POLR1C: variants seen among roughly 807,000 people sequenced by gnomAD.
The protein encoded by POLR1C is RNA polymerase I and III subunit C, also known as DNA-directed RNA polymerases I and III subunit RPAC1.
In POLR1C, 42 loss-of-function variants were observed where a neutral mutation model predicts 38.3. The observed-to-expected ratio is 1.10, with a 90% CI of 0.86 to 1.42. The LOEUF (loss-of-function observed/expected upper bound fraction) is 1.42, where lower values mean the gene tolerates loss of function less well. Ranked by LOEUF, POLR1C falls within the 40% of genes most tolerant of loss-of-function variation. POLR1C has a pLI of 0.00. For missense variants in POLR1C, 507 were observed against 450.5 expected (o/e 1.13, Z -1.14); for synonymous variants, 163 against 163.9 (o/e 0.99, Z 0.04).
At chr6:43,529,909 C>CAAA (rs1191727799), downstream of POLR1C, among the ~76,000 whole-genome samples, 4,108 of 97,430 alleles carry the variant, frequency 0.042, 316 homozygotes, top group African/African-American at 0.15. Context: ...GACCCTGTCT[C>CAAA]AAAAAAAAAA....
downstream of POLR1C, chr6:43,526,478 A>G (rs77655645): frequency 0.043 from 25,627 of 590,422 alleles, 838 homozygotes; most frequent in African/African-American, 0.11. Flanking sequence ...GTTGGGAGGA[A>G]ATCATCTGAG....
intron 10 of POLR1C, among the ~76,000 whole-genome samples, chr6:43,552,651 C>T (rs1289205516): frequency 1.3e-5 from 2 of 152,226 alleles, no homozygotes; most frequent in African/African-American, 4.8e-5. Flanking sequence ...CTGCGCCCGG[C>T]TTATCAGCTA....
intron 9 of POLR1C, among the ~76,000 whole-genome samples, chr6:43,536,368 T>C (rs1582207542): frequency 6.6e-6 from 1 of 151,816 alleles, no homozygotes; most frequent in South Asian, 2.1e-4. Context: ...TGAGCCGAGA[T>C]TGTGCCACTG....
chr6:43,517,986 T>TA (rs1792926332), intron 2 of POLR1C, among the ~76,000 whole-genome samples: 1 of 152,118 alleles, frequency 6.6e-6, no homozygotes, highest in African/African-American at 2.4e-5. Context: ...AACCTGTTGA[T>TA]ACAAGGAATA....
chr6:43,534,934 G>C (rs543202115), intron 9 of POLR1C, among the ~76,000 whole-genome samples: 1 of 152,208 alleles, frequency 6.6e-6, no homozygotes, highest in East Asian at 1.9e-4. Context: ...GGCAGAGGTT[G>C]TGGTGAGCCG....
exon 11 of POLR1C, chr6:43,561,774 C>T (rs563635783): frequency 5.2e-5 from 8 of 153,830 alleles, no homozygotes; most frequent in African/African-American, 1.9e-4. Context: ...GTTCCAATGT[C>T]CTATCTTCCA....
At chr6:43,554,978 G>A (rs1463928644) in intron 10 of POLR1C, 3 of 126,206 alleles carry the variant, frequency 2.4e-5, no homozygotes, top group East Asian at 2.2e-4. Context: ...TTTTGCTCTC[G>A]TTGCCCAGGC....
At chr6:43,522,204 C>T (rs1179032647), downstream of POLR1C, 2 of 152,390 alleles carry the variant, frequency 1.3e-5, no homozygotes, top group Non-Finnish European at 2.9e-5. Flanking sequence ...ACTGGCACAC[C>T]ATTTCAGAAA....
chr6:43,536,924 TAG>T (rs1042455185), intron 9 of POLR1C, among the ~76,000 whole-genome samples: 1 of 151,972 alleles, frequency 6.6e-6, no homozygotes, highest in African/African-American at 2.4e-5. Flanking sequence ...CAACTCTGCA[TAG>T]AAAGCCAACT....
At chr6:43,553,520 CACACAT>C in intron 10 of POLR1C, 4 of 1,542,812 alleles carry the variant, frequency 2.6e-6, no homozygotes, top group Admixed American at 2.0e-5. Flanking sequence ...AACACACACA[CACACAT>C]ACACACACAC....
At chr6:43,528,862 G>A (rs1401574007) in intron 8 of POLR1C, 1 of 1,613,852 alleles carries the variant, frequency 6.2e-7, no homozygotes, top group Non-Finnish European at 8.5e-7. Context: ...TCCGAGGATG[G>A]GGGATACCAG....
intron 9 of POLR1C, among the ~76,000 whole-genome samples, chr6:43,545,179 T>C (rs1344037916): frequency 6.6e-6 from 1 of 151,752 alleles, no homozygotes; most frequent in Non-Finnish European, 1.5e-5. Context: ...CGCCAAAATA[T>C]TGTCTATTTC....
At chr6:43,523,718 G>A (rs1443859673), downstream of POLR1C, 2 of 1,220,936 alleles carry the variant, frequency 1.6e-6, no homozygotes, top group African/African-American at 1.5e-5. Flanking sequence ...CCTGCACAGG[G>A]CCTGTTCTCT....
At chr6:43,524,076 C>T (rs541961605), downstream of POLR1C, 324 of 1,550,580 alleles carry the variant, frequency 2.1e-4, no homozygotes, top group African/African-American at 3.1e-3. Flanking sequence ...CTTGGCCCGG[C>T]GCAGTGGCTC....
intron 2 of POLR1C, 143 bp downstream of exon 2, chr6:43,517,520 A>C: frequency 2.8e-6 from 2 of 719,452 alleles, no homozygotes; most frequent in Non-Finnish European, 5.0e-6. Flanking sequence ...CTCCGTTTAC[A>C]GGCCAAATTA....
intron 8 of POLR1C, chr6:43,528,182 A>G (rs751494238): frequency 6.3e-7 from 1 of 1,595,052 alleles, no homozygotes; most frequent in South Asian, 1.1e-5. Context: ...TTTGGTTGAT[A>G]ACTTGCCATT....
chr6:43,548,966 T>C (rs1345397939), intron 9 of POLR1C, among the ~76,000 whole-genome samples: 1 of 152,200 alleles, frequency 6.6e-6, no homozygotes, highest in Non-Finnish European at 1.5e-5. Context: ...TAGTAATCTA[T>C]ATGGCAGAGA....
downstream of POLR1C, among the ~76,000 whole-genome samples, chr6:43,529,751 C>T (rs1238427282): frequency 6.6e-6 from 1 of 150,930 alleles, no homozygotes; most frequent in African/African-American, 2.4e-5. Flanking sequence ...ACAGACCCAT[C>T]TCTACAAATA....
downstream of POLR1C, chr6:43,530,671 G>A (rs142814585): frequency 6.2e-7 from 1 of 1,610,572 alleles, no homozygotes; most frequent in African/African-American, 1.3e-5. Flanking sequence ...GTTATGTAGA[G>A]ACTTTTGAAA....
Sources: gnomAD v4.1 joint callset for allele counts (sites outside exome capture counted in the v4.1 genomes callset) on GRCh38, gnomAD v4.1.1 for gene constraint, MANE v1.5 for transcripts, NCBI Gene and HGNC (gene_info 2026-07-23, HGNC 2026-07-21) for gene names.